The following WSCD2 variants were observed in gnomAD, a reference collection of about 807,000 sequenced individuals.
WSCD2 encodes sialate:O-sulfotransferase 2.
Under a neutral mutation model 55.7 loss-of-function variants are expected in WSCD2, and 28 were observed. That is an observed-to-expected ratio of 0.50 (90% CI 0.37 to 0.69). The LOEUF is 0.69. Ranked by LOEUF, WSCD2 falls within the 30% of genes least tolerant of loss-of-function variation. The pLI is 0.00. For missense variants in WSCD2, 616 were observed against 762.1 expected, an observed-to-expected ratio of 0.81 and a Z score of 2.26; for synonymous variants, 301 against 301.9, an observed-to-expected ratio of 1.00 and a Z score of 0.03.
chr12:108,232,618 GC>G, intron 6 of WSCD2, 112 bp from the exon 7 acceptor site: 1 of 1,063,438 alleles, frequency 9.4e-7, no homozygotes. Flanking sequence ...AGTGTCCTGT[GC>G]CCTTGATCAC....
intron 1 of WSCD2, among the ~76,000 whole-genome samples, chr12:108,183,395 T>C (rs1466844378): frequency 6.6e-6 from 1 of 152,118 alleles, no homozygotes; most frequent in Admixed American, 6.5e-5. Flanking sequence ...GTGTATGTGC[T>C]GGGGGTGAGG....
intron 1 of WSCD2, among the ~76,000 whole-genome samples, chr12:108,166,765 CTTT>C (rs1565928849): frequency 2.2e-4 from 26 of 120,244 alleles, no homozygotes; most frequent in Non-Finnish European, 3.9e-4. Flanking sequence ...TCTTTCTTTT[CTTT>C]CTTTCTTTCT....
At chr12:108,213,571 G>T (rs1054056976) in intron 4 of WSCD2, among the ~76,000 whole-genome samples, 3 of 152,186 alleles carry the variant, frequency 2.0e-5, no homozygotes, top group Non-Finnish European at 4.4e-5. Flanking sequence ...GCTCGATAAA[G>T]GAGGGGACAT....
chr12:108,201,086 T>C (rs1884611326), intron 2 of WSCD2, among the ~76,000 whole-genome samples: 1 of 152,254 alleles, frequency 6.6e-6, no homozygotes, highest in South Asian at 2.1e-4. Context: ...ATTAGCTTTC[T>C]CAGGCTGCTA....
Position 108,195,940 on chromosome 12 carries a change from C to A in WSCD2, c.108C>A (p.His36Gln). ...CTGCTGGGAGCCTTGTCTTCCTTCACTCTGGCTTTGTGGGCCAGCCCGCTG... is the reference window on the plus strand; with the variant it reads ...CTGCTGGGAGCCTTGTCTTCCTTCAATCTGGCTTTGTGGGCCAGCCCGCTG... ...YLTAGSLVFL[H>Q]SGFVGQPAVS... The change falls in exon 2 of 9, where the codon CAC becomes CAA. Residue 36 changes from histidine to glutamine, a missense_variant. Around this residue, in one of 3 missense-constraint regions of WSCD2, gnomAD observed 374 missense variants for 467.4 expected, o/e 0.80. Transcript: ENST00000547525. 1.2e-6 allele frequency: 2 copies of A among 1,614,186 alleles called. No individual in the cohort carries two copies. The highest frequency in any genetic ancestry group is 1.7e-6 in the Non-Finnish European group (2 of 1,180,032).
intron 4 of WSCD2, among the ~76,000 whole-genome samples, chr12:108,222,361 G>A (rs1412341550): frequency 2.0e-5 from 3 of 152,128 alleles, no homozygotes; most frequent in Non-Finnish European, 2.9e-5. Flanking sequence ...CTCTTCTCTC[G>A]AAGCCCTGTT....
intron 8 of WSCD2, among the ~76,000 whole-genome samples, chr12:108,243,219 G>T (rs1360246080): frequency 6.6e-6 from 1 of 152,190 alleles, no homozygotes; most frequent in Admixed American, 6.5e-5. Flanking sequence ...CCAGAAATCT[G>T]TGTGTGTGGT....
chr12:108,147,791 A>G (rs1186856754), intron 1 of WSCD2, among the ~76,000 whole-genome samples: 1 of 151,840 alleles, frequency 6.6e-6, no homozygotes, highest in East Asian at 1.9e-4. Context: ...AGATGGGTCG[A>G]GGCTAAAGTG....
chr12:108,172,833 C>A (rs1028291610), intron 1 of WSCD2, among the ~76,000 whole-genome samples: 1 of 152,150 alleles, frequency 6.6e-6, no homozygotes, highest in African/African-American at 2.4e-5. Context: ...GTTACAGCAG[C>A]TTTAGGAAGC....
intron 1 of WSCD2, among the ~76,000 whole-genome samples, 196 bp from the exon 2 acceptor site, chr12:108,195,086 G>A (rs2137046011): frequency 1.3e-5 from 2 of 152,284 alleles, no homozygotes; most frequent in South Asian, 4.1e-4. Context: ...TCCCAGTTTG[G>A]TGTCAAGAAA....
intron 1 of WSCD2, among the ~76,000 whole-genome samples, chr12:108,145,643 T>C (rs1207837545): frequency 6.6e-6 from 1 of 152,188 alleles, no homozygotes; most frequent in Non-Finnish European, 1.5e-5. Flanking sequence ...TGTCAAGATA[T>C]ACACTCAACA....
rs1889625203 is a variant in WSCD2, at chr12:108,240,335, T to C, written c.1145-9T>C. 2 of 1,613,796 alleles carry C rather than the reference T, an allele frequency of 1.2e-6. No homozygotes were observed. The highest frequency in any genetic ancestry group is 1.7e-6 in the Non-Finnish European group (2 of 1,180,022). ...ACCAGTCCTGTTCCTCACCTCTGGC[T>C]GCGGGAAGGGTTTAAAGGTGAGCGG... On this transcript the variant is annotated splice_polypyrimidine_tract_variant and intron_variant, in intron 7 of 8. Transcript: ENST00000547525.
chr12:108,148,027 C>T (rs1877583031), intron 1 of WSCD2, among the ~76,000 whole-genome samples: 1 of 152,178 alleles, frequency 6.6e-6, no homozygotes, highest in African/African-American at 2.4e-5. Context: ...CCTTCAAATC[C>T]ACCCTGTGAG....
At chr12:108,203,463 A>G (rs17040298) in intron 2 of WSCD2, among the ~76,000 whole-genome samples, 3,126 of 152,230 alleles carry the variant, frequency 0.021, 127 homozygotes, top group African/African-American at 0.073. Flanking sequence ...CAAATGGGTC[A>G]TGTGTCCTTC....
intron 8 of WSCD2, among the ~76,000 whole-genome samples, chr12:108,242,779 C>T (rs181171536): frequency 6.6e-6 from 1 of 152,214 alleles, no homozygotes. Flanking sequence ...CTCCCCAACA[C>T]CGACAGGCCC....
At chr12:108,234,011 C>T (rs7135144) in intron 7 of WSCD2, among the ~76,000 whole-genome samples, 4,712 of 152,264 alleles carry the variant, frequency 0.031, 234 homozygotes, top group African/African-American at 0.11. Flanking sequence ...GATAAGAGTA[C>T]GTACCTCATG....
chr12:108,151,283 C>T (rs76867284), intron 1 of WSCD2, among the ~76,000 whole-genome samples: 2,734 of 152,208 alleles, frequency 0.018, 87 homozygotes, highest in African/African-American at 0.062. Context: ...TGGCCTCTGC[C>T]ACTAGATGCC....
At chr12:108,162,111 A>C (rs2136942181) in intron 1 of WSCD2, among the ~76,000 whole-genome samples, 1 of 152,334 alleles carries the variant, frequency 6.6e-6, no homozygotes, top group African/African-American at 2.4e-5. Flanking sequence ...TAGCCAGTCC[A>C]TGCTAAGGCC....
intron 7 of WSCD2, among the ~76,000 whole-genome samples, chr12:108,236,703 T>C (rs1057093271): frequency 1.3e-5 from 2 of 152,080 alleles, no homozygotes; most frequent in African/African-American, 4.8e-5. Context: ...TCTAGGTGTC[T>C]ATCTCCCCTT....
Sources: gnomAD v4.1 joint callset for allele counts (sites outside exome capture counted in the v4.1 genomes callset) on GRCh38, gnomAD v4.1.1 for gene constraint, gnomAD v4.1.1 regional missense constraint, MANE v1.5 for transcripts, NCBI Gene and HGNC (gene_info 2026-07-23, HGNC 2026-07-21) for gene names.